Variants in CFAP54 observed in about 807,000 individuals in gnomAD.
CFAP54 encodes the protein cilia- and flagella-associated protein 54.
A neutral mutation model predicts 370.4 loss-of-function variants in CFAP54; 290 were observed. That is an observed-to-expected ratio of 0.78 (90% CI 0.71 to 0.86). The LOEUF is 0.86. Ranked by LOEUF, CFAP54 falls within the 40% of genes least tolerant of loss-of-function variation. CFAP54 has a pLI of 0.00. For missense variants in CFAP54, 3,399 were observed against 3,528.7 expected (o/e 0.96, Z 0.93); for synonymous variants, 1,206 against 1,236.5 (o/e 0.98, Z 0.52).
chr12:96,595,605 T>C (rs1300488901), intron 25 of CFAP54, among the ~76,000 whole-genome samples: 1 of 152,098 alleles, frequency 6.6e-6, no homozygotes, highest in African/African-American at 2.4e-5. Flanking sequence ...TTAAAAAAGA[T>C]TCACCTTGGA....
chr12:96,811,958 G>T (rs1281066971), intron 64 of CFAP54, 116 bp downstream of exon 64: 2 of 575,270 alleles, frequency 3.5e-6, no homozygotes, highest in East Asian at 6.5e-5. Flanking sequence ...ACTTCGCGAA[G>T]AATCTTCCTT....
chr12:96,735,440 G>A, intron 50 of CFAP54, among the ~76,000 whole-genome samples: 1 of 152,154 alleles, frequency 6.6e-6, no homozygotes, highest in East Asian at 1.9e-4. Context: ...ACTGTGCAGA[G>A]GCTTAAGGAA....
chr12:96,839,293 C>T (rs1333364086), intron 66 of CFAP54, among the ~76,000 whole-genome samples: 1 of 152,168 alleles, frequency 6.6e-6, no homozygotes, highest in African/African-American at 2.4e-5. Flanking sequence ...CCATGTAAAA[C>T]TCTTAGAACA....
rs1957064048 is a variant in CFAP54 at position 96,665,090 on chromosome 12, A to G, written c.5563+1158A>G. 2.3e-5 allele frequency among the ~76,000 whole-genome samples: 3 copies of G among 130,204 alleles called. No individual in the cohort carries two copies. In the South Asian group the frequency reaches 7.4e-4, roughly 32 times the overall value. The allele number at this position is 130,204 out of a possible 152,430, so 85.4% of individuals were successfully genotyped here. On this transcript the variant is annotated intron_variant, in intron 39 of 67. Coordinates refer to ENST00000524981, the MANE Select transcript of CFAP54 (RefSeq NM_001306084.2). ...TCAGTGATACTGAGCTTTTTTTCATATGATTGTTGGCCACATGTATGTTTT... is the reference window on the plus strand; with the variant it reads ...TCAGTGATACTGAGCTTTTTTTCATGTGATTGTTGGCCACATGTATGTTTT...
intron 66 of CFAP54, among the ~76,000 whole-genome samples, chr12:96,859,235 T>C (rs1304612309): frequency 6.6e-6 from 1 of 152,164 alleles, no homozygotes. Context: ...CCCTTATTTA[T>C]ACCATATACA....
At chr12:96,742,975 C>T (rs1219034350) in intron 52 of CFAP54, among the ~76,000 whole-genome samples, 1 of 152,164 alleles carries the variant, frequency 6.6e-6, no homozygotes, top group Non-Finnish European at 1.5e-5. Flanking sequence ...ATCCCCCTTA[C>T]TCAGTTTCCT....
intron 39 of CFAP54, among the ~76,000 whole-genome samples, chr12:96,664,926 TC>T (rs1043634815): frequency 4.0e-5 from 6 of 151,344 alleles, no homozygotes; most frequent in African/African-American, 9.7e-5. Context: ...TAATTTACAC[TC>T]CCACTAACAA....
chr12:96,534,015 A>C, intron 10 of CFAP54, 42 bp downstream of exon 10: 1 of 1,498,952 alleles, frequency 6.7e-7, no homozygotes, highest in African/African-American at 1.4e-5. Flanking sequence ...TTTTTTGTTA[A>C]AATGACATCC....
At chr12:96,609,458 C>T (rs1956332413) in intron 26 of CFAP54, among the ~76,000 whole-genome samples, 1 of 152,092 alleles carries the variant, frequency 6.6e-6, no homozygotes, top group South Asian at 2.1e-4. Context: ...AAGACATTTA[C>T]CAACATTTTA....
chr12:96,649,031 A>G (rs894639929), intron 34 of CFAP54, among the ~76,000 whole-genome samples: 4 of 152,162 alleles, frequency 2.6e-5, no homozygotes, highest in African/African-American at 9.7e-5. Context: ...ATAAAAATTT[A>G]TTTCTAATGC....
chr12:96,782,844 A>G (rs1251723341), intron 60 of CFAP54, among the ~76,000 whole-genome samples: 2 of 152,188 alleles, frequency 1.3e-5, no homozygotes, highest in African/African-American at 2.4e-5. Flanking sequence ...ACCAGACAAT[A>G]TGTACTTAAA....
Position 96,691,140 on chromosome 12 carries a change from A to G in CFAP54, c.6094A>G (p.Thr2032Ala), listed in dbSNP as rs756369246. 1.2e-6 allele frequency: 2 copies of G among 1,613,362 alleles called. No individual in the cohort carries two copies. Among genetic ancestry groups the G allele is most frequent in the East Asian group, 2.2e-5 (1 of 44,806 alleles). ...TTTTCATTTTCAGGGTTTGCTTAGAACAACACTTCCACATCCCAAAGCTGA... is the reference window on the plus strand; with the variant it reads ...TTTTCATTTTCAGGGTTTGCTTAGAGCAACACTTCCACATCCCAAAGCTGA... Reference protein sequence around the residue: ...SALLFQGLLRTTLPHPKAERC... With the variant: ...SALLFQGLLRATLPHPKAERC... The change falls in exon 44 of 68, where the codon ACA (threonine) becomes GCA (alanine). Residue 2032 changes from threonine (T) to alanine (A), a missense_variant. Thr to Ala is a moderately conservative substitution (Grantham distance 58). This residue lies in a region of CFAP54 where 2,796 missense variants were observed against 2,869.7 expected (regional missense o/e 0.97). Transcript: ENST00000524981.
chr12:96,860,856 T>C lies in CFAP54; in HGVS notation c.9209T>C (p.Leu3070Pro). Residue 3070 changes from leucine to proline, a missense_variant, in exon 67 of 68, where the codon CTT becomes CCT. Leu to Pro is a moderately conservative substitution (Grantham distance 98, BLOSUM62 -3). Coordinates refer to ENST00000524981, the MANE Select transcript of CFAP54 (RefSeq NM_001306084.2). ...ATCTCACTGCCGTCTATATTCAATC[T>C]TGAGAGACTTTTTGATCTGGCTAAT... The part of the protein sequence containing the change: ...FDISLPSIFN[L>P]ERLFDLANGC... 1 of 1,534,120 alleles carries C rather than the reference T, an allele frequency of 6.5e-7. No individual in the cohort carries two copies. Among genetic ancestry groups the C allele is most frequent in the Non-Finnish European group, 8.7e-7 (1 of 1,145,646 alleles).
chr12:96,782,828 G>A (rs1417308603), intron 60 of CFAP54, among the ~76,000 whole-genome samples: 2 of 152,160 alleles, frequency 1.3e-5, no homozygotes, highest in Non-Finnish European at 2.9e-5. Flanking sequence ...ATTTGTGCAT[G>A]CGTGCACCAG....
chr12:96,712,501 A>C (rs1957626588), intron 48 of CFAP54, among the ~76,000 whole-genome samples: 2 of 152,146 alleles, frequency 1.3e-5, no homozygotes, highest in African/African-American at 4.8e-5. Flanking sequence ...CCATTACCTC[A>C]AACACTTGTC....
rs553068320 is a variant in CFAP54 at position 96,576,969 on chromosome 12, A to G, written c.2796+208A>G. On this transcript the variant is annotated intron_variant, in intron 20 of 67. Transcript: ENST00000524981. The stretch of plus-strand genomic sequence containing the variant: ...CTGTTATATTTATGATATGCTCTGT[A>G]TTGCATTGCTATACCCAAATATATT... 2.0e-5 allele frequency among the ~76,000 whole-genome samples: 3 copies of G among 152,246 alleles called. No individual in the cohort carries two copies. The South Asian group carries it at 6.2e-4, about 32-fold the overall frequency.
intron 66 of CFAP54, among the ~76,000 whole-genome samples, chr12:96,837,035 T>C (rs1351058395): frequency 6.6e-6 from 1 of 152,198 alleles, no homozygotes; most frequent in East Asian, 1.9e-4. Context: ...TTGCCCAGGC[T>C]GGTCTCCCAC....
rs1955194875 is a variant in CFAP54 at position 96,513,358 on chromosome 12, G to T, written c.798+314G>T. ...TCTGGTTGCTATAGCTTTAGGTAGGGTGACCATCCGTCCTGGCTTGCCCAG... is the reference window on the plus strand; with the variant it reads ...TCTGGTTGCTATAGCTTTAGGTAGGTTGACCATCCGTCCTGGCTTGCCCAG... On this transcript the variant is annotated intron_variant, in intron 5 of 67. Coordinates refer to ENST00000524981, the MANE Select transcript of CFAP54 (RefSeq NM_001306084.2). Among the ~76,000 whole-genome samples the T allele has an allele frequency of 2.6e-5, 4 of 152,270 alleles. No homozygotes were observed. In the South Asian group the frequency reaches 8.3e-4, roughly 32 times the overall value.
At chr12:96,757,775 T>C (rs1454741355) in intron 58 of CFAP54, among the ~76,000 whole-genome samples, 187 bp downstream of exon 58, 1 of 152,154 alleles carries the variant, frequency 6.6e-6, no homozygotes, top group African/African-American at 2.4e-5. Flanking sequence ...TATATAGGGC[T>C]TTGGAAATTA....
Sources: allele counts gnomAD v4.1 joint callset (sites outside exome capture counted in the v4.1 genomes callset), GRCh38; gene constraint gnomAD v4.1.1; regional missense constraint gnomAD v4.1.1; transcripts MANE v1.5; gene names NCBI Gene and HGNC (gene_info 2026-07-23, HGNC 2026-07-21).